The following INSC variants were observed in gnomAD, a reference collection of about 807,000 sequenced individuals.
The protein encoded by INSC is protein inscuteable homolog.
A neutral mutation model predicts 58.6 loss-of-function variants in INSC; 67 were observed. The ratio of observed to expected loss-of-function variants is 1.14; its 90% CI spans 0.94 to 1.40. INSC has a LOEUF of 1.40. Ranked by LOEUF, INSC falls within the 40% of genes most tolerant of loss-of-function variation. The probability of loss-of-function intolerance (pLI) is 0.00; values close to 1 mark genes in which losing one functional copy is unlikely to be tolerated. For missense variants in INSC, 714 were observed against 692.0 expected, an observed-to-expected ratio of 1.03 and a Z score of -0.36; for synonymous variants, 262 against 276.1, an observed-to-expected ratio of 0.95 and a Z score of 0.51.
At chr11:15,252,485 G>A in the INSC span, among the ~76,000 whole-genome samples, 3 of 152,334 alleles carry the variant, frequency 2.0e-5, no homozygotes, top group Admixed American at 6.5e-5. Flanking sequence ...TCAGCTGGCT[G>A]GCAAGTTGGT....
intron 6 of INSC, among the ~76,000 whole-genome samples, chr11:15,200,300 T>C (rs1262420229): frequency 6.6e-6 from 1 of 152,172 alleles, no homozygotes; most frequent in Non-Finnish European, 1.5e-5. Flanking sequence ...GTAGTACTAA[T>C]ATAAATGAAA....
intron 1 of INSC, among the ~76,000 whole-genome samples, chr11:15,143,737 T>A (rs1185682430): frequency 6.6e-6 from 1 of 152,060 alleles, no homozygotes; most frequent in East Asian, 1.9e-4. Context: ...TGCCAATGCC[T>A]TTGACCAGGG....
At chr11:15,197,379 T>C (rs544125353) in intron 6 of INSC, among the ~76,000 whole-genome samples, 7 of 152,294 alleles carry the variant, frequency 4.6e-5, no homozygotes, top group African/African-American at 1.7e-4. Context: ...TGGGAGAAGA[T>C]GGGAGACTAA....
chr11:15,224,117 CTTTA>C (rs1851545116), intron 8 of INSC, among the ~76,000 whole-genome samples: 1 of 152,158 alleles, frequency 6.6e-6, no homozygotes, highest in Non-Finnish European at 1.5e-5. Context: ...TCCTCAATTT[CTTTA>C]TTTACAAAAT....
At position 15,176,057 on chromosome 11, in the gene INSC, A is replaced by G. The variant is rs774037955; in HGVS notation, c.373A>G (p.Ser125Gly). 1 of 1,543,332 alleles carries G rather than the reference A, an allele frequency of 6.5e-7. No homozygotes were observed. Among genetic ancestry groups the G allele is most frequent in the East Asian group, 2.4e-5 (1 of 41,420 alleles). Residue 125 changes from serine to glycine, a missense_variant, in exon 3 of 13, where the codon AGC (serine) becomes GGC (glycine). Physicochemically the swap from Ser to Gly is moderately conservative, Grantham distance 56 (BLOSUM62 0). Transcript: ENST00000379556. ...CATGGTCAGCGAGTACAGTGCTGTC[A>G]GCAGGAACTCCTTGAAGGAAATGGG... is the stretch of plus-strand genomic sequence containing the variant. The part of the protein sequence containing the change: ...RSMVSEYSAV[S>G]RNSLKEMGEI...
intron 6 of INSC, among the ~76,000 whole-genome samples, chr11:15,194,873 T>A (rs2133869900): frequency 6.6e-6 from 1 of 152,334 alleles, no homozygotes; most frequent in South Asian, 2.1e-4. Flanking sequence ...AGCCAAAGTG[T>A]GACTCAGGAG....
chr11:15,225,299 C>T (rs1045294906), intron 8 of INSC, among the ~76,000 whole-genome samples: 1 of 152,160 alleles, frequency 6.6e-6, no homozygotes, highest in Admixed American at 6.5e-5. Flanking sequence ...TTTTTAAAAG[C>T]TTATTTTCTC....
chr11:15,131,883 A>G (rs190836852), intron 1 of INSC, among the ~76,000 whole-genome samples: 5 of 152,120 alleles, frequency 3.3e-5, no homozygotes, highest in Admixed American at 2.6e-4. Flanking sequence ...ACAACTTCCA[A>G]CCCCCTCCAT....
intron 1 of INSC, among the ~76,000 whole-genome samples, chr11:15,131,979 C>G (rs1848135099): frequency 6.6e-6 from 1 of 152,024 alleles, no homozygotes; most frequent in South Asian, 2.1e-4. Flanking sequence ...CATTGATATT[C>G]CCTTTTACAT....
intron 2 of INSC, among the ~76,000 whole-genome samples, chr11:15,161,339 A>G (rs990784664): frequency 8.5e-5 from 13 of 152,252 alleles, no homozygotes; most frequent in Non-Finnish European, 1.6e-4. Context: ...AATGATATAG[A>G]ACACGTCAGA....
rs138816512 is a variant in INSC at position 15,216,208 on chromosome 11, G to T, written c.820-5269G>T. Among the ~76,000 whole-genome samples, 68 of 152,280 alleles carry T rather than the reference G, an allele frequency of 4.5e-4. 3 individuals are homozygous for T. The South Asian group carries it at 9.5e-3, about 21-fold the overall frequency. On this transcript the variant is annotated intron_variant, in intron 7 of 12. Coordinates refer to ENST00000379556, the MANE Select transcript of INSC (RefSeq NM_001042536.3). ...GCAAATGGTAAAAAGTGGTGAGCTA[G>T]GGAGGAGCCTAAAAGTGTGGTGTCA...
chr11:15,233,134 C>G (rs1590003844), intron 9 of INSC, among the ~76,000 whole-genome samples: 1 of 152,318 alleles, frequency 6.6e-6, no homozygotes, highest in East Asian at 1.9e-4. Context: ...ACACGCTTAG[C>G]TATCACATTA....
intron 7 of INSC, among the ~76,000 whole-genome samples, chr11:15,211,775 A>G (rs1851033739): frequency 1.3e-5 from 2 of 152,112 alleles, no homozygotes; most frequent in South Asian, 4.1e-4. Flanking sequence ...TATTGAAAAG[A>G]CTGTACTTTC....
At chr11:15,163,628 C>T (rs1057343683) in intron 2 of INSC, among the ~76,000 whole-genome samples, 5 of 152,124 alleles carry the variant, frequency 3.3e-5, no homozygotes, top group Non-Finnish European at 4.4e-5. Context: ...CTTGCTCTGT[C>T]GCCCAGGCTG....
At chr11:15,225,561 A>C in intron 8 of INSC, 89 bp from the exon 9 acceptor site, 2 of 1,320,394 alleles carry the variant, frequency 1.5e-6, no homozygotes, top group Non-Finnish European at 2.1e-6. Flanking sequence ...TGCTCAAACG[A>C]TCTCCCAGAG....
At chr11:15,251,537 AAATT>A (rs1852649475), downstream of INSC, among the ~76,000 whole-genome samples, 1 of 152,244 alleles carries the variant, frequency 6.6e-6, no homozygotes, top group African/African-American at 2.4e-5. Context: ...CAGATACAAT[AAATT>A]CTTATAATTA....
intron 12 of INSC, among the ~76,000 whole-genome samples, chr11:15,240,952 T>C (rs1186216748): frequency 1.3e-5 from 2 of 152,188 alleles, no homozygotes; most frequent in East Asian, 3.9e-4. Context: ...CTGCTGGTGC[T>C]CTTCCAGCAT....
chr11:15,156,969 T>G (rs1273925914), intron 2 of INSC, among the ~76,000 whole-genome samples: 1 of 152,200 alleles, frequency 6.6e-6, no homozygotes, highest in Non-Finnish European at 1.5e-5. Flanking sequence ...TAACCTGGTA[T>G]GTGGAGATGA....
At chr11:15,183,809 T>C (rs2133844883) in intron 5 of INSC, among the ~76,000 whole-genome samples, 1 of 152,254 alleles carries the variant, frequency 6.6e-6, no homozygotes, top group Middle Eastern at 3.4e-3. Flanking sequence ...TTGGATAAAA[T>C]ACAGATACAG....
Sources: gnomAD v4.1 joint callset for allele counts (sites outside exome capture counted in the v4.1 genomes callset) on GRCh38, gnomAD v4.1.1 for gene constraint, MANE v1.5 for transcripts, NCBI Gene and HGNC (gene_info 2026-07-23, HGNC 2026-07-21) for gene names.